Variants in SNX25 observed in about 807,000 individuals in gnomAD.
The protein encoded by SNX25 is sorting nexin 25, also known as sorting nexin-25.
In SNX25, 62 loss-of-function variants were observed where a neutral mutation model predicts 113.7. The observed-to-expected ratio is 0.55, with a 90% CI of 0.44 to 0.67. SNX25 has a LOEUF of 0.67. Ranked by LOEUF, SNX25 falls within the 30% of genes least tolerant of loss-of-function variation. The pLI is 0.00. For synonymous variants in SNX25, 421 were observed against 436.2 expected (o/e 0.97, Z 0.43); for missense variants, 1,014 against 1,161.0 (o/e 0.87, Z 1.84).
chr4:185,329,761 C>T (rs762574615), intron 9 of SNX25, among the ~76,000 whole-genome samples: 21 of 152,024 alleles, frequency 1.4e-4, no homozygotes, highest in South Asian at 4.1e-4. Context: ...CCATTGTGGG[C>T]GGTCAGAGGT....
intron 5 of SNX25, among the ~76,000 whole-genome samples, chr4:185,276,910 A>G (rs1007652000): frequency 6.6e-6 from 1 of 152,200 alleles, no homozygotes; most frequent in Admixed American, 6.5e-5. Flanking sequence ...ATCAGATAAA[A>G]AGCCTCCTCT....
At chr4:185,280,343 A>G (rs1306973533) in intron 5 of SNX25, among the ~76,000 whole-genome samples, 1 of 152,252 alleles carries the variant, frequency 6.6e-6, no homozygotes, top group Non-Finnish European at 1.5e-5. Context: ...TAGCATTAGC[A>G]TATTTAATTG....
At position 185,272,943 on chromosome 4, in the gene SNX25, G is replaced by A. The variant is rs148659853; in HGVS notation, c.1091+5788G>A. Among the ~76,000 whole-genome samples the A allele has an allele frequency of 5.0e-3, 761 of 152,272 alleles. 7 individuals are homozygous for A. The highest frequency in any genetic ancestry group is 0.017 in the African/African-American group (695 of 41,554). On this transcript the variant is annotated intron_variant, in intron 5 of 18. Coordinates refer to ENST00000652585, the MANE Select transcript of SNX25 (RefSeq NM_001378034.2). ...GCTAGATAATTCTTTATTGTGGGAG[G>A]TTGTTCTGTTTACTGTAGAATTTTT...
intron 5 of SNX25, among the ~76,000 whole-genome samples, chr4:185,277,491 T>C (rs1749882083): frequency 6.6e-6 from 1 of 152,134 alleles, no homozygotes; most frequent in African/African-American, 2.4e-5. Flanking sequence ...GACTGTGGCA[T>C]TTGCTGATCT....
chr4:185,275,970 G>A (rs897421367), intron 5 of SNX25, among the ~76,000 whole-genome samples: 1 of 152,198 alleles, frequency 6.6e-6, no homozygotes, highest in Non-Finnish European at 1.5e-5. Context: ...TCAGTTTTAT[G>A]AGAAAAGTTC....
At chr4:185,249,642 TTAGA>T (rs1745365782) in intron 2 of SNX25, among the ~76,000 whole-genome samples, 1 of 151,600 alleles carries the variant, frequency 6.6e-6, no homozygotes, top group East Asian at 1.9e-4. Context: ...TCTCTGTTCT[TTAGA>T]TAGATAGGAT....
chr4:185,356,634 G>T (rs2095340503), intron 15 of SNX25, among the ~76,000 whole-genome samples: 1 of 152,140 alleles, frequency 6.6e-6, no homozygotes. Context: ...TTAATGTCTA[G>T]TGCCAAGTCT....
rs533135234 is a variant in SNX25 at position 185,230,408 on chromosome 4, T to C, written c.430-16886T>C. Among the ~76,000 whole-genome samples, 14 of 151,504 alleles carry C rather than the reference T, an allele frequency of 9.2e-5. No individual in the cohort carries two copies. The South Asian group carries it at 2.5e-3, about 27-fold the overall frequency. ...GGAATCATAATTTTTTTTTTTTTTTTCCTCAACAGAGTTTTGCTCTTGTTG... is the reference window on the plus strand; with the variant it reads ...GGAATCATAATTTTTTTTTTTTTTTCCCTCAACAGAGTTTTGCTCTTGTTG... On this transcript the variant is annotated intron_variant, in intron 1 of 18. Coordinates refer to ENST00000652585, the MANE Select transcript of SNX25 (RefSeq NM_001378034.2).
chr4:185,204,476 T>C (rs1737098754), intron 1 of SNX25: 1 of 152,198 alleles, frequency 6.6e-6, no homozygotes, highest in South Asian at 2.1e-4. Flanking sequence ...AGGTGGGTAG[T>C]TAAAACAATC....
At chr4:185,362,252 T>C in intron 17 of SNX25, 147 bp downstream of exon 17, 1 of 1,378,176 alleles carries the variant, frequency 7.3e-7, no homozygotes. Flanking sequence ...TTTTTGTCAC[T>C]TGCTAAGAAG....
chr4:185,215,181 A>G (rs1738596612), intron 1 of SNX25, among the ~76,000 whole-genome samples: 1 of 151,986 alleles, frequency 6.6e-6, no homozygotes, highest in African/African-American at 2.4e-5. Flanking sequence ...GTGAGCCGAG[A>G]TCGTGCCACT....
At chr4:185,228,424 G>T (rs1224825028) in intron 1 of SNX25, among the ~76,000 whole-genome samples, 2 of 152,160 alleles carry the variant, frequency 1.3e-5, no homozygotes, top group Non-Finnish European at 2.9e-5. Context: ...GTGGAGGTTG[G>T]CAGGGAATTA....
At position 185,340,978 on chromosome 4, in the gene SNX25, G is replaced by A. The variant is rs377477985; in HGVS notation, c.2047-998G>A. On this transcript the variant is annotated intron_variant, in intron 11 of 18. Transcript: ENST00000652585. ...GAGGTGTGGTCCTAGGAAAGTCAGG[G>A]ACCCTGTCTGTGCCTCTACTTCCCT... 1.6e-4 allele frequency among the ~76,000 whole-genome samples: 25 copies of A among 152,322 alleles called. No homozygotes were observed. In the South Asian group the frequency reaches 4.6e-3, roughly 28 times the overall value.
intron 1 of SNX25, among the ~76,000 whole-genome samples, chr4:185,211,245 G>A (rs534984639): frequency 1.3e-5 from 2 of 152,298 alleles, no homozygotes; most frequent in East Asian, 3.9e-4. Flanking sequence ...GAGTGTGTTA[G>A]TTCAGAATGC....
intron 3 of SNX25, among the ~76,000 whole-genome samples, chr4:185,262,201 G>C (rs188496618): frequency 1.3e-5 from 2 of 152,314 alleles, no homozygotes; most frequent in Admixed American, 1.3e-4. Context: ...TTGGGCAATT[G>C]TTTGTGGAGG....
Position 185,259,065 on chromosome 4 carries a change from G to A in SNX25, c.731+1G>A, listed in dbSNP as rs372067344. The A allele has an allele frequency of 1.2e-6, 2 of 1,613,664 alleles. No homozygotes were observed. The highest frequency in any genetic ancestry group is 1.7e-6 in the Non-Finnish European group (2 of 1,179,698). ...GTGACCTGAAAGCTGCCAATGCCAG[G>A]TAACTGTTCTAAGCAACTTACCCCC... On this transcript the variant is annotated splice_donor_variant, in intron 3 of 18. Transcript: ENST00000652585. LOFTEE classifies it high-confidence loss of function.
Position 185,320,845 on chromosome 4 carries a change from A to G in SNX25, c.1457A>G (p.His486Arg), listed in dbSNP as rs1472145527. The change falls in exon 8 of 19, where the codon CAT becomes CGT. Residue 486 changes from histidine (H) to arginine (R), a missense_variant. By Grantham distance (29) the His-to-Arg change is conservative (BLOSUM62 0). Transcript: ENST00000652585. The part of the protein sequence containing the change: ...ALISFWESVE[H>R]LKNANKNEIP... ...ATTAGTTTTTGGGAATCTGTGGAAC[A>G]TTTAAAGAATGCTAACAAGGTAGTA... 10 of 1,603,126 alleles carry G rather than the reference A, an allele frequency of 6.2e-6. No individual in the cohort carries two copies. The highest frequency in any genetic ancestry group is 8.5e-6 in the Non-Finnish European group (10 of 1,175,808).
intron 17 of SNX25, 114 bp downstream of exon 17, chr4:185,362,219 AG>A: frequency 6.4e-6 from 9 of 1,413,020 alleles, no homozygotes; most frequent in Non-Finnish European, 8.3e-6. Flanking sequence ...GAAAAAAAAA[AG>A]GATCATACTC....
At chr4:185,353,451 T>C in intron 14 of SNX25, 34 bp from the exon 15 acceptor site, 1 of 1,539,002 alleles carries the variant, frequency 6.5e-7, no homozygotes, top group Non-Finnish European at 9.0e-7. Flanking sequence ...CTTGGATAAG[T>C]TATCTGCTTC....
Sources: allele counts gnomAD v4.1 joint callset (sites outside exome capture counted in the v4.1 genomes callset), GRCh38; gene constraint gnomAD v4.1.1; transcripts MANE v1.5; gene names NCBI Gene and HGNC (gene_info 2026-07-23, HGNC 2026-07-21).